C3orf22: variants seen among roughly 807,000 people sequenced by gnomAD.
C3orf22 encodes the protein chromosome 3 open reading frame 22, also known as uncharacterized protein C3orf22.
A neutral mutation model predicts 10.8 loss-of-function variants in C3orf22; 7 were observed. That is an observed-to-expected ratio of 0.65 (90% confidence interval 0.37 to 1.22). The LOEUF is 1.22. Ranked by LOEUF, C3orf22 falls within the 50% of genes most tolerant of loss-of-function variation. The probability of loss-of-function intolerance (pLI) is 0.02; values close to 1 mark genes in which losing one functional copy is unlikely to be tolerated. For synonymous variants in C3orf22, 79 were observed against 78.9 expected (o/e 1.00, Z 0.00); for missense variants, 173 against 177.0 (o/e 0.98, Z 0.13).
In C3orf22 at chr3:126,554,963, G is replaced by T. The variant is rs555635962; in HGVS notation, c.-40-1533C>A. On this transcript the variant is annotated intron_variant, in intron 1 of 3. Coordinates refer to ENST00000318225, the MANE Select transcript of C3orf22 (RefSeq NM_152533.3). ...GCCCTAGGTCCGTGCTGTCCGAGACGGCAGCTGCTGGCTACATGAGGCTAT... is the reference window on the plus strand; with the variant it reads ...GCCCTAGGTCCGTGCTGTCCGAGACTGCAGCTGCTGGCTACATGAGGCTAT... 2.6e-5 allele frequency among the ~76,000 whole-genome samples: 4 copies of T among 152,314 alleles called. No homozygotes were observed. In the South Asian group the frequency reaches 8.3e-4, roughly 32 times the overall value.
intron 4 of C3orf22, among the ~76,000 whole-genome samples, chr3:126,534,900 G>A (rs1338553920): frequency 6.8e-6 from 1 of 146,114 alleles, no homozygotes; most frequent in African/African-American, 2.6e-5. Flanking sequence ...CCAGCCGGGA[G>A]ACAGACCAGC....
rs1317468176 is a variant in C3orf22 at position 126,552,015 on chromosome 3, C to G, written c.197G>C (p.Arg66Thr). The G allele has an allele frequency of 6.2e-7, 1 of 1,612,410 alleles. No individual in the cohort carries two copies. The highest frequency in any genetic ancestry group is 1.3e-5 in the African/African-American group (1 of 74,822). ...GACTTACCCTCGGACTGGGATGGAC[C>G]TCGTTGGCACCAACCTCTTCTGCAG... ...LPLQKRLVPTRSIPVRGLGAP... is the reference protein window; with the variant it reads ...LPLQKRLVPTTSIPVRGLGAP... The change falls in exon 3 of 4, where the codon AGG becomes ACG. Residue 66 changes from arginine to threonine, a missense_variant. Coordinates refer to ENST00000318225, the MANE Select transcript of C3orf22 (RefSeq NM_152533.3).
chr3:126,546,669 C>T (rs9830497), downstream of C3orf22, among the ~76,000 whole-genome samples: 6,788 of 152,224 alleles, frequency 0.045, 232 homozygotes, highest in African/African-American at 0.094. Flanking sequence ...TCACCTTGGA[C>T]GTCCAGCCTT....
exon 6 of C3orf22, chr3:126,527,840 G>A (rs1936569067): frequency 6.6e-6 from 1 of 152,210 alleles, no homozygotes; most frequent in Non-Finnish European, 1.5e-5. Flanking sequence ...CAAGCTGGCA[G>A]GTGGGTGGCT....
At chr3:126,548,282 C>T (rs2107577820), downstream of C3orf22, among the ~76,000 whole-genome samples, 1 of 152,318 alleles carries the variant, frequency 6.6e-6, no homozygotes, top group Non-Finnish European at 1.5e-5. Context: ...AGTCGTAAGC[C>T]ACCATGTCTG....
chr3:126,554,300 C>T (rs1302196957), intron 1 of C3orf22, among the ~76,000 whole-genome samples: 1 of 141,768 alleles, frequency 7.1e-6, no homozygotes, highest in African/African-American at 2.7e-5. Context: ...GTCTCGCTCT[C>T]GTCCCCAGGC....
chr3:126,553,670 G>A (rs1325710284), intron 1 of C3orf22, among the ~76,000 whole-genome samples: 3 of 152,106 alleles, frequency 2.0e-5, no homozygotes, highest in Non-Finnish European at 2.9e-5. Flanking sequence ...CCACAGCCAC[G>A]CCTGTCCACA....
intron 4 of C3orf22, among the ~76,000 whole-genome samples, chr3:126,529,786 C>T (rs1936612906): frequency 6.6e-6 from 1 of 152,216 alleles, no homozygotes; most frequent in African/African-American, 2.4e-5. Context: ...CCCCTTCTCT[C>T]CCCTGTCTCC....
chr3:126,553,722 C>G (rs1329672767), intron 1 of C3orf22, among the ~76,000 whole-genome samples: 4 of 152,212 alleles, frequency 2.6e-5, no homozygotes, highest in Non-Finnish European at 5.9e-5. Context: ...CTGTCCTCAT[C>G]ATGGGGCAGC....
intron 1 of C3orf22, among the ~76,000 whole-genome samples, chr3:126,556,515 C>T (rs1012105232): frequency 1.9e-4 from 29 of 151,622 alleles, no homozygotes; most frequent in African/African-American, 6.6e-4. Flanking sequence ...CTGTCCAGGG[C>T]CTGCTTGGGG....
chr3:126,546,106 GA>G (rs2107576374), downstream of C3orf22, among the ~76,000 whole-genome samples: 1 of 152,328 alleles, frequency 6.6e-6, no homozygotes, highest in African/African-American at 2.4e-5. Context: ...TCTGGGAACT[GA>G]CAGCCAGTTT....
At chr3:126,542,030 A>G (rs1438416501) in intron 4 of C3orf22, 1 of 1,570,774 alleles carries the variant, frequency 6.4e-7, no homozygotes, top group South Asian at 1.1e-5. Context: ...CCCCGCCGAG[A>G]TCAACCGGCG....
chr3:126,536,153 C>G, intron 4 of C3orf22: 1 of 777,470 alleles, frequency 1.3e-6, no homozygotes, highest in Non-Finnish European at 2.2e-6. Context: ...AGGCAAGATC[C>G]GGGAAGGAAA....
At position 126,553,191 on chromosome 3, in the gene C3orf22, G is replaced by A. The variant is rs933299686; in HGVS notation, c.89+111C>T. On this transcript the variant is annotated intron_variant, in intron 2 of 3. Transcript: ENST00000318225. ...CAAGGGCTGCTAAGGGTCTCCCTGT[G>A]GACAAAACCCCCTCCCAGCTGCAGC... The A allele has an allele frequency of 3.6e-6, 3 of 824,272 alleles. No homozygotes were observed. The African/African-American group carries it at 5.0e-5, about 14-fold the overall frequency. 51.1% of individuals were successfully genotyped at this position (824,272 alleles called of 1,614,324 possible).
chr3:126,542,703 G>A (rs1261691343), intron 4 of C3orf22: 11 of 1,319,464 alleles, frequency 8.3e-6, no homozygotes, highest in South Asian at 1.9e-5. Flanking sequence ...CCTGGCCGCC[G>A]GGCCAGCGGG....
downstream of C3orf22, among the ~76,000 whole-genome samples, chr3:126,545,160 C>A (rs114146193): frequency 0.01 from 1,568 of 152,362 alleles, 23 homozygotes; most frequent in African/African-American, 0.036. Flanking sequence ...CTCCATCTGG[C>A]ACCTCCTTCA....
At chr3:126,546,498 C>T (rs531478917), downstream of C3orf22, among the ~76,000 whole-genome samples, 8 of 152,186 alleles carry the variant, frequency 5.3e-5, no homozygotes, top group African/African-American at 1.4e-4. Flanking sequence ...CATGAGGATG[C>T]GGTCTCCATG....
Position 126,553,409 on chromosome 3 carries a change from G to GAGGC in C3orf22, c.-23_-20dup. Reference sequence around the variant, plus strand: ...AGTCCATCACTGAGTGGGTTAAGCTGAGGCACACCTCTCAGCCATGGCTGG... The same window carrying GAGGC: ...AGTCCATCACTGAGTGGGTTAAGCTGAGGCAGGCACACCTCTCAGCCATGGCTGG... On this transcript the variant is annotated 5_prime_UTR_variant, in exon 2 of 4. An upstream open reading frame in the 5' UTR loses its in-frame stop. Coordinates refer to ENST00000318225, the MANE Select transcript of C3orf22 (RefSeq NM_152533.3). 3 of 1,611,556 alleles carry GAGGC rather than the reference G, an allele frequency of 1.9e-6. No individual in the cohort carries two copies. The highest frequency in any genetic ancestry group is 2.5e-6 in the Non-Finnish European group (3 of 1,178,204).
At chr3:126,542,687 C>T (rs1391823980) in intron 4 of C3orf22, 3 of 1,355,772 alleles carry the variant, frequency 2.2e-6, no homozygotes, top group Non-Finnish European at 1.9e-6. Context: ...CCACTGCGTG[C>T]ACTCACCTGG....
Sources: gnomAD v4.1 joint callset for allele counts (sites outside exome capture counted in the v4.1 genomes callset) on GRCh38, gnomAD v4.1.1 for gene constraint, MANE v1.5 for transcripts, NCBI Gene and HGNC (gene_info 2026-07-23, HGNC 2026-07-21) for gene names.